EOGT: variants seen among roughly 807,000 people sequenced by gnomAD.
EOGT encodes the protein EGF domain-specific O-linked N-acetylglucosamine transferase.
EOGT carries 55 observed loss-of-function variants against 70.5 expected under a neutral mutation model. That is an observed-to-expected ratio of 0.78 (90% confidence interval 0.63 to 0.98). The LOEUF (loss-of-function observed/expected upper bound fraction) is 0.98. Among genes scored for constraint, EOGT ranks in the 50% least tolerant of loss-of-function variants. The pLI is 0.00. For missense variants in EOGT, 703 were observed against 641.9 expected, an observed-to-expected ratio of 1.10 and a Z score of -1.03; for synonymous variants, 246 against 217.1, an observed-to-expected ratio of 1.13 and a Z score of -1.17.
chr3:68,994,924 C>T (rs185809075), intron 10 of EOGT, among the ~76,000 whole-genome samples: 1 of 152,334 alleles, frequency 6.6e-6, no homozygotes, highest in African/African-American at 2.4e-5. Flanking sequence ...AGAGAGGCAT[C>T]TGAAGATGGG....
intron 14 of EOGT, 119 bp from the exon 15 acceptor site, chr3:68,982,991 G>A (rs1297201114): frequency 3.8e-6 from 2 of 519,672 alleles, no homozygotes; most frequent in Middle Eastern, 5.1e-4. Context: ...ATATCATTTG[G>A]TAACAACAAC....
chr3:69,010,307 C>G (rs928390025), intron 3 of EOGT, among the ~76,000 whole-genome samples: 7 of 152,160 alleles, frequency 4.6e-5, no homozygotes, highest in African/African-American at 1.7e-4. Context: ...AAAAAAGTAG[C>G]CATGGTCTAT....
At chr3:68,992,114 T>C (rs975224842) in intron 10 of EOGT, among the ~76,000 whole-genome samples, 20 of 152,110 alleles carry the variant, frequency 1.3e-4, no homozygotes, top group Non-Finnish European at 2.6e-4. Context: ...CCCAGGGCTC[T>C]CTAAATCTCG....
chr3:69,007,623 G>T, intron 6 of EOGT, 90 bp downstream of exon 6: 2 of 769,718 alleles, frequency 2.6e-6, no homozygotes, highest in Non-Finnish European at 2.0e-6. Context: ...CTGCACTCCA[G>T]CCAGGGCAAT....
intron 10 of EOGT, among the ~76,000 whole-genome samples, chr3:68,996,330 C>T (rs999119817): frequency 6.6e-6 from 1 of 152,174 alleles, no homozygotes; most frequent in Admixed American, 6.5e-5. Flanking sequence ...AATTAAGGGT[C>T]GGCAAAACTG....
intron 8 of EOGT, 146 bp downstream of exon 8, chr3:69,004,232 A>C: frequency 1.6e-6 from 1 of 620,642 alleles, no homozygotes; most frequent in East Asian, 2.7e-5. Flanking sequence ...TGAGGGATTC[A>C]CTCGGTTTCC....
Position 68,997,342 on chromosome 3 carries a change from T to C in EOGT, c.831+669A>G, listed in dbSNP as rs561214931. On this transcript the variant is annotated intron_variant, in intron 10 of 17. Coordinates refer to ENST00000383701, the MANE Select transcript of EOGT (RefSeq NM_001278689.2). ...TAAACAGAGGCAAGCACTTCCAACA[T>C]AGGTTACAGAGGTTGAGTGAATGAC... is the stretch of plus-strand genomic sequence containing the variant. 3.3e-5 allele frequency among the ~76,000 whole-genome samples: 5 copies of C among 150,440 alleles called. No individual in the cohort carries two copies. The South Asian group carries it at 1.0e-3, about 32-fold the overall frequency.
chr3:68,989,682 G>A (rs1055897131), intron 10 of EOGT, among the ~76,000 whole-genome samples: 2 of 150,718 alleles, frequency 1.3e-5, no homozygotes, highest in South Asian at 2.1e-4. Flanking sequence ...TGGGAGGCGG[G>A]GGTTGCAGTG....
At chr3:68,988,827 G>A (rs1428864228) in intron 11 of EOGT, 98 bp downstream of exon 11, 1 of 677,202 alleles carries the variant, frequency 1.5e-6, no homozygotes, top group Non-Finnish European at 2.4e-6. Context: ...GAAATCAGTG[G>A]TAATGGCTAA....
intron 8 of EOGT, 106 bp downstream of exon 8, chr3:69,004,272 T>G: frequency 1.2e-6 from 1 of 813,102 alleles, no homozygotes; most frequent in Non-Finnish European, 2.0e-6. Flanking sequence ...TGCCAAATTA[T>G]GTACAAATGA....
At chr3:69,006,377 T>C (rs1288360220) in intron 6 of EOGT, among the ~76,000 whole-genome samples, 1 of 152,186 alleles carries the variant, frequency 6.6e-6, no homozygotes, top group Non-Finnish European at 1.5e-5. Context: ...AATAGCTCTA[T>C]AAAGTATATA....
rs1385503768 is a variant in EOGT at position 68,976,558 on chromosome 3, T to C, written c.*1060A>G. On this transcript the variant is annotated 3_prime_UTR_variant, in exon 18 of 18. Transcript: ENST00000383701. ...AATATAGTGGCATGATTTATTCAGG[T>C]TCTCGATGCATATAACCTGGAGGTG... is the stretch of plus-strand genomic sequence containing the variant. 1 of 151,974 alleles carries C rather than the reference T, an allele frequency of 6.6e-6. No homozygotes were observed. Among genetic ancestry groups the C allele is most frequent in the East Asian group, 1.9e-4 (1 of 5,178 alleles). The allele number at this position is 151,974 out of a possible 1,614,324, so 9.4% of individuals were successfully genotyped here.
At chr3:69,005,811 T>C (rs2107369607) in intron 6 of EOGT, among the ~76,000 whole-genome samples, 1 of 152,330 alleles carries the variant, frequency 6.6e-6, no homozygotes, top group East Asian at 1.9e-4. Context: ...TCAACCAATC[T>C]GGGTTATGCT....
At chr3:68,981,458 G>C (rs776262281) in intron 15 of EOGT, among the ~76,000 whole-genome samples, 2 of 152,212 alleles carry the variant, frequency 1.3e-5, no homozygotes, top group African/African-American at 2.4e-5. Context: ...TAACTGGAAA[G>C]TGTTCACAGT....
At chr3:68,978,688 CT>C (rs1459674614) in intron 16 of EOGT, among the ~76,000 whole-genome samples, 6 of 112,230 alleles carry the variant, frequency 5.3e-5, no homozygotes, top group Non-Finnish European at 1.9e-5. Flanking sequence ...GGCCTGCTGC[CT>C]ATGGACTTGG....
At chr3:68,978,257 C>T in intron 17 of EOGT, 76 bp downstream of exon 17, 2 of 1,057,972 alleles carry the variant, frequency 1.9e-6, no homozygotes, top group Non-Finnish European at 2.9e-6. Context: ...GTTCAATAAC[C>T]ATTTTTCATA....
At chr3:69,013,118 T>C (rs901665065) in intron 1 of EOGT, among the ~76,000 whole-genome samples, 2 of 151,690 alleles carry the variant, frequency 1.3e-5, no homozygotes, top group African/African-American at 4.8e-5. Context: ...GGCTGAGGGG[T>C]CAGTGGCGAG....
At chr3:68,996,934 C>T (rs1044694611) in intron 10 of EOGT, among the ~76,000 whole-genome samples, 2 of 152,180 alleles carry the variant, frequency 1.3e-5, no homozygotes, top group Admixed American at 1.3e-4. Context: ...ACATTCAGAG[C>T]ACAAGTACTG....
At chr3:68,981,938 G>A (rs147255210) in intron 15 of EOGT, among the ~76,000 whole-genome samples, 119 of 150,274 alleles carry the variant, frequency 7.9e-4, no homozygotes, top group African/African-American at 2.7e-3. Flanking sequence ...ACAGAGCCTC[G>A]TACTGTCACA....
Sources: gnomAD v4.1 joint callset for allele counts (sites outside exome capture counted in the v4.1 genomes callset) on GRCh38, gnomAD v4.1.1 for gene constraint, MANE v1.5 for transcripts, NCBI Gene and HGNC (gene_info 2026-07-23, HGNC 2026-07-21) for gene names.